EXOC6B: variants seen among roughly 807,000 people sequenced by gnomAD.
EXOC6B encodes the protein exocyst complex component 6B, also known as SEC15 homolog B.
Under a neutral mutation model 113.5 loss-of-function variants are expected in EXOC6B, and 54 were observed. The ratio of observed to expected loss-of-function variants is 0.48; its 90% CI spans 0.38 to 0.60. EXOC6B has a LOEUF of 0.60. Among genes scored for constraint, EXOC6B ranks in the 20% least tolerant of loss-of-function variants. The pLI, the probability that EXOC6B is intolerant of heterozygous loss-of-function variation, is 0.00. For missense variants in EXOC6B, 797 were observed against 977.5 expected, an observed-to-expected ratio of 0.82 and a Z score of 2.46; for synonymous variants, 357 against 339.0, an observed-to-expected ratio of 1.05 and a Z score of -0.58.
At chr2:72,276,105 A>T (rs1263021643) in intron 20 of EXOC6B, among the ~76,000 whole-genome samples, 3 of 151,946 alleles carry the variant, frequency 2.0e-5, no homozygotes, top group Non-Finnish European at 2.9e-5. Context: ...TGACCTCTGG[A>T]GTGTTTTGAG....
intron 20 of EXOC6B, among the ~76,000 whole-genome samples, chr2:72,220,344 C>A (rs1273034266): frequency 1.3e-5 from 2 of 152,108 alleles, no homozygotes; most frequent in Non-Finnish European, 2.9e-5. Context: ...ATGTGTTGCT[C>A]TCTAGAATCT....
chr2:72,646,650 G>A (rs1339063991), intron 6 of EXOC6B, among the ~76,000 whole-genome samples: 3 of 151,924 alleles, frequency 2.0e-5, no homozygotes, highest in Admixed American at 6.6e-5. Flanking sequence ...TTCAACATAC[G>A]CAAATCAATA....
chr2:72,741,644 T>C (rs1352384179), intron 1 of EXOC6B, among the ~76,000 whole-genome samples, 175 bp from the exon 2 acceptor site: 2 of 152,246 alleles, frequency 1.3e-5, no homozygotes, highest in African/African-American at 4.8e-5. Context: ...TTTTGCTTTC[T>C]TATTCATTCC....
chr2:72,191,250 T>C (rs1193599332), intron 20 of EXOC6B, among the ~76,000 whole-genome samples: 1 of 152,230 alleles, frequency 6.6e-6, no homozygotes, highest in Non-Finnish European at 1.5e-5. Flanking sequence ...CTTTTATCTG[T>C]GTGACTCTTA....
chr2:72,382,321 T>C (rs969084100), intron 18 of EXOC6B, among the ~76,000 whole-genome samples: 4 of 152,316 alleles, frequency 2.6e-5, no homozygotes, highest in African/African-American at 9.6e-5. Context: ...TTGTCAGCTT[T>C]GTCGAAGATC....
chr2:72,811,335 G>A, intron 1 of EXOC6B, among the ~76,000 whole-genome samples: 1 of 152,064 alleles, frequency 6.6e-6, no homozygotes, highest in Non-Finnish European at 1.5e-5. Flanking sequence ...AAAAAGGCAC[G>A]ATAAATTTAA....
chr2:72,233,631 C>G (rs144062882), intron 20 of EXOC6B, among the ~76,000 whole-genome samples: 1 of 152,176 alleles, frequency 6.6e-6, no homozygotes. Flanking sequence ...CCTCTACAAG[C>G]CTTAGGTCCT....
At chr2:72,264,250 T>A (rs903818333) in intron 20 of EXOC6B, among the ~76,000 whole-genome samples, 2 of 152,086 alleles carry the variant, frequency 1.3e-5, no homozygotes, top group African/African-American at 2.4e-5. Flanking sequence ...ATTGACACTA[T>A]TCCCAACTTT....
At chr2:72,553,452 C>CAT (rs1703352962) in intron 8 of EXOC6B, among the ~76,000 whole-genome samples, 1 of 151,806 alleles carries the variant, frequency 6.6e-6, no homozygotes, top group South Asian at 2.1e-4. Flanking sequence ...CTTACTATAA[C>CAT]ATATATATGG....
chr2:72,235,063 A>C (rs1681871959), intron 20 of EXOC6B, among the ~76,000 whole-genome samples: 1 of 152,194 alleles, frequency 6.6e-6, no homozygotes, highest in African/African-American at 2.4e-5. Context: ...ACCCAAAGGA[A>C]TAGAAATCAT....
chr2:72,615,556 C>A (rs1160548137), intron 6 of EXOC6B, among the ~76,000 whole-genome samples: 3 of 140,086 alleles, frequency 2.1e-5, no homozygotes, highest in Non-Finnish European at 3.1e-5. Flanking sequence ...GTGACTCTAA[C>A]ACATTAATCA....
At chr2:72,582,628 G>A (rs1363453693) in intron 6 of EXOC6B, among the ~76,000 whole-genome samples, 10 of 151,812 alleles carry the variant, frequency 6.6e-5, no homozygotes, top group East Asian at 3.9e-4. Flanking sequence ...TCCACCTCCC[G>A]GGTTCAAGCA....
chr2:72,281,398 T>C (rs1685122292), intron 20 of EXOC6B, among the ~76,000 whole-genome samples: 1 of 151,998 alleles, frequency 6.6e-6, no homozygotes, highest in Non-Finnish European at 1.5e-5. Context: ...TACAGGTGAG[T>C]GAAATCAGAA....
chr2:72,696,032 AAAAG>A (rs1037358314), intron 6 of EXOC6B, among the ~76,000 whole-genome samples: 3 of 152,252 alleles, frequency 2.0e-5, no homozygotes, highest in Admixed American at 6.5e-5. Context: ...CATCTTAAAA[AAAAG>A]AAAGAAACTA....
chr2:72,312,960 A>G (rs1687294364), intron 20 of EXOC6B, among the ~76,000 whole-genome samples: 1 of 152,128 alleles, frequency 6.6e-6, no homozygotes, highest in East Asian at 1.9e-4. Context: ...TAATGTTCCA[A>G]ATTCTGAGGT....
chr2:72,293,872 G>C (rs990434930), intron 20 of EXOC6B, among the ~76,000 whole-genome samples: 5 of 151,846 alleles, frequency 3.3e-5, no homozygotes, highest in African/African-American at 1.2e-4. Context: ...TTTATGATGA[G>C]TAATCAGGAA....
intron 1 of EXOC6B, among the ~76,000 whole-genome samples, chr2:72,774,641 C>G (rs920444053): frequency 6.6e-6 from 1 of 152,102 alleles, no homozygotes; most frequent in Non-Finnish European, 1.5e-5. Flanking sequence ...GAGTTTTATT[C>G]ATAATAGCCA....
At chr2:72,687,606 G>T (rs903424892) in intron 6 of EXOC6B, among the ~76,000 whole-genome samples, 7 of 152,134 alleles carry the variant, frequency 4.6e-5, no homozygotes, top group African/African-American at 1.7e-4. Context: ...AAGGCAGTTT[G>T]ATTATAACAC....
Position 72,697,335 on chromosome 2 carries a change from T to A in EXOC6B, c.669+20768A>T, listed in dbSNP as rs576787526. On this transcript the variant is annotated intron_variant, in intron 6 of 21. Coordinates refer to ENST00000272427, the MANE Select transcript of EXOC6B (RefSeq NM_015189.3). Reference sequence around the variant, plus strand: ...TTTTTAAGAAAATCTCTTAAAAATTTTTGAATATTCCTAGTAAGCTGCCAT... The same window carrying A: ...TTTTTAAGAAAATCTCTTAAAAATTATTGAATATTCCTAGTAAGCTGCCAT... Among the ~76,000 whole-genome samples the A allele has an allele frequency of 4.6e-5, 7 of 152,188 alleles. No individual in the cohort carries two copies. The East Asian group carries it at 1.4e-3, about 29-fold the overall frequency.
Sources: gnomAD v4.1 joint callset for allele counts (sites outside exome capture counted in the v4.1 genomes callset) on GRCh38, gnomAD v4.1.1 for gene constraint, MANE v1.5 for transcripts, NCBI Gene and HGNC (gene_info 2026-07-23, HGNC 2026-07-21) for gene names.